Variants in FHIT observed in about 807,000 individuals in gnomAD.
The protein encoded by FHIT is fragile histidine triad diadenosine triphosphatase.
FHIT carries 19 observed loss-of-function variants against 17.9 expected under a neutral mutation model. The observed-to-expected ratio is 1.06, with a 90% CI of 0.74 to 1.56. The LOEUF (loss-of-function observed/expected upper bound fraction) is 1.56. FHIT is among the 40% of genes most tolerant of loss of function. The pLI, the probability that FHIT is intolerant of heterozygous loss-of-function variation, is 0.00. For missense variants in FHIT, 248 were observed against 189.2 expected (o/e 1.31, Z -1.82); for synonymous variants, 81 against 69.7 (o/e 1.16, Z -0.81).
Position 60,039,293 on chromosome 3 carries a change from T to A in FHIT, c.104-25141A>T, listed in dbSNP as rs532288042. On this transcript the variant is annotated intron_variant, in intron 5 of 9. Transcript: ENST00000492590. ...AGTCTTAAAACTCATTTGGCCTTAC[T>A]TCTCCCATCATCTGAGCAGCTCCAC... 3.5e-4 allele frequency among the ~76,000 whole-genome samples: 54 copies of A among 152,362 alleles called. No individual in the cohort carries two copies. In the Middle Eastern group the frequency reaches 0.014, roughly 38 times the overall value.
intron 5 of FHIT, among the ~76,000 whole-genome samples, chr3:60,108,109 T>G (rs1301007409): frequency 1.3e-5 from 2 of 152,182 alleles, no homozygotes; most frequent in Non-Finnish European, 1.5e-5. Context: ...GTTTTATGGG[T>G]CCGGAAAGTG....
At chr3:59,874,481 C>A (rs924909776) in intron 8 of FHIT, among the ~76,000 whole-genome samples, 1 of 152,130 alleles carries the variant, frequency 6.6e-6, no homozygotes, top group African/African-American at 2.4e-5. Context: ...GGGTGAGGCA[C>A]AATAATTTGC....
chr3:59,850,988 A>G (rs990531964), intron 8 of FHIT, among the ~76,000 whole-genome samples: 1 of 152,154 alleles, frequency 6.6e-6, no homozygotes, highest in South Asian at 2.1e-4. Flanking sequence ...TTCCAGTTTC[A>G]TTGTTCACAA....
At chr3:61,210,616 T>C (rs1057231578) in intron 1 of FHIT, among the ~76,000 whole-genome samples, 3 of 152,208 alleles carry the variant, frequency 2.0e-5, no homozygotes, top group African/African-American at 7.2e-5. Context: ...ATGTGCGGTA[T>C]ATAATCTCCT....
chr3:60,163,046 G>A (rs1375072569), intron 5 of FHIT, among the ~76,000 whole-genome samples: 8 of 152,126 alleles, frequency 5.3e-5, no homozygotes, highest in Admixed American at 2.0e-4. Flanking sequence ...TCTTGGTTTT[G>A]GATAAGACGA....
At chr3:60,247,727 T>G (rs1254257786) in intron 5 of FHIT, among the ~76,000 whole-genome samples, 1 of 152,146 alleles carries the variant, frequency 6.6e-6, no homozygotes, top group Non-Finnish European at 1.5e-5. Context: ...GCCACTTGCT[T>G]GATTTTAGGC....
chr3:59,902,324 A>G (rs1339721883), intron 8 of FHIT, among the ~76,000 whole-genome samples: 1 of 152,166 alleles, frequency 6.6e-6, no homozygotes. Context: ...GGGTGTGTAG[A>G]AAAGGGAACC....
rs140816470 is a variant in FHIT at position 60,211,198 on chromosome 3, G to T, written c.104-197046C>A. The stretch of plus-strand genomic sequence containing the variant: ...AAAGAAAGTTGAAGAAAAATGTATA[G>T]AGTATATATAACTTTTCAAAGAAAG... On this transcript the variant is annotated intron_variant, in intron 5 of 9. Transcript: ENST00000492590. Among the ~76,000 whole-genome samples, 630 of 151,648 alleles carry T rather than the reference G, an allele frequency of 4.2e-3. 2 individuals are homozygous for T. Among genetic ancestry groups the T allele is most frequent in the African/African-American group, 0.014 (599 of 41,414 alleles).
intron 8 of FHIT, among the ~76,000 whole-genome samples, chr3:59,906,596 T>A (rs1193944605): frequency 6.6e-6 from 1 of 152,206 alleles, no homozygotes; most frequent in Admixed American, 6.5e-5. Flanking sequence ...AGTGGTGGAG[T>A]TACAGATGGA....
intron 5 of FHIT, among the ~76,000 whole-genome samples, chr3:60,200,720 T>A (rs1702862817): frequency 6.6e-6 from 1 of 151,826 alleles, no homozygotes; most frequent in Non-Finnish European, 1.5e-5. Flanking sequence ...TCCAAAAATG[T>A]GACCTGAGGC....
intron 3 of FHIT, among the ~76,000 whole-genome samples, chr3:60,942,518 T>C (rs185612842): frequency 6.6e-6 from 1 of 152,318 alleles, no homozygotes; most frequent in African/African-American, 2.4e-5. Flanking sequence ...CAATTGTCTC[T>C]ATATTTAGCT....
chr3:60,278,963 TTC>T (rs1448038296), intron 5 of FHIT, among the ~76,000 whole-genome samples: 4 of 152,184 alleles, frequency 2.6e-5, no homozygotes, highest in Non-Finnish European at 5.9e-5. Flanking sequence ...TAATCTAAAC[TTC>T]TGTTAGAAAC....
intron 5 of FHIT, among the ~76,000 whole-genome samples, chr3:60,121,820 A>T (rs1488229367): frequency 6.6e-6 from 1 of 151,970 alleles, no homozygotes; most frequent in African/African-American, 2.4e-5. Context: ...TAAACCTGTG[A>T]TCCTATCAGT....
intron 5 of FHIT, among the ~76,000 whole-genome samples, chr3:60,278,574 C>G (rs1308480388): frequency 6.6e-6 from 1 of 152,084 alleles, no homozygotes; most frequent in Non-Finnish European, 1.5e-5. Context: ...AACACACAGA[C>G]TCTATTGAAT....
At chr3:60,680,601 A>G (rs1258262705) in intron 4 of FHIT, among the ~76,000 whole-genome samples, 4 of 149,556 alleles carry the variant, frequency 2.7e-5, no homozygotes, top group African/African-American at 9.9e-5. Flanking sequence ...AAAACTTTAG[A>G]TTTATAATAC....
At chr3:60,838,118 G>C (rs533302534) in intron 3 of FHIT, among the ~76,000 whole-genome samples, 1 of 151,694 alleles carries the variant, frequency 6.6e-6, no homozygotes, top group Non-Finnish European at 1.5e-5. Context: ...CTTTTCTTTC[G>C]AGGCAGAGTC....
chr3:60,297,237 T>C (rs1442001012), intron 5 of FHIT, among the ~76,000 whole-genome samples: 6 of 152,232 alleles, frequency 3.9e-5, no homozygotes, highest in African/African-American at 1.2e-4. Flanking sequence ...TTGGGAGAAC[T>C]GACATATTTA....
At chr3:60,191,177 C>T (rs1384364629) in intron 5 of FHIT, among the ~76,000 whole-genome samples, 2 of 152,088 alleles carry the variant, frequency 1.3e-5, no homozygotes, top group East Asian at 3.9e-4. Context: ...GAAAACAGCA[C>T]AGTGGTGTAT....
intron 4 of FHIT, among the ~76,000 whole-genome samples, chr3:60,562,792 C>A (rs142724544): frequency 5.9e-5 from 9 of 152,204 alleles, no homozygotes; most frequent in African/African-American, 1.9e-4. Context: ...TGAGTAAGAC[C>A]TAAAGTCATG....
Sources: gnomAD v4.1 joint callset for allele counts (sites outside exome capture counted in the v4.1 genomes callset) on GRCh38, gnomAD v4.1.1 for gene constraint, MANE v1.5 for transcripts, NCBI Gene and HGNC (gene_info 2026-07-23, HGNC 2026-07-21) for gene names.